Variants in POLG observed in about 807,000 individuals in gnomAD.
The protein encoded by POLG is DNA polymerase subunit gamma-1.
In POLG, 110 loss-of-function variants were observed where a neutral mutation model predicts 155.4. The observed-to-expected ratio is 0.71, with a 90% confidence interval of 0.61 to 0.83. The LOEUF (loss-of-function observed/expected upper bound fraction) is 0.83, where lower values mean the gene tolerates loss of function less well. Ranked by LOEUF, POLG falls within the 40% of genes least tolerant of loss-of-function variation. POLG has a pLI of 0.00. For missense variants in POLG, 1,685 were observed against 1,627.5 expected (o/e 1.04, Z -0.61); for synonymous variants, 701 against 631.5 (o/e 1.11, Z -1.65).
chr15:89,333,007 G>A (rs2055614511), intron 2 of POLG, 89 bp downstream of exon 2: 4 of 1,477,450 alleles, frequency 2.7e-6, no homozygotes, highest in Non-Finnish European at 3.6e-6. Context: ...CACCCAGCCC[G>A]TAACAGGACC....
intron 10 of POLG, 172 bp from the exon 11 acceptor site, chr15:89,324,399 A>G: frequency 1.3e-6 from 1 of 757,750 alleles, no homozygotes; most frequent in South Asian, 1.5e-5. Context: ...TGACAAACTG[A>G]AAATGACAGC....
At position 89,330,105 on chromosome 15, in the gene POLG, A is replaced by G; in HGVS notation, c.831T>C (p.His277=). The change falls in exon 3 of 23, where the codon CAT becomes CAC. Residue 277 remains histidine, a synonymous_variant. Transcript: ENST00000268124. The part of the protein sequence containing the change: ...VGHNVSFDRA[H]IREQYLIQGS... ...CCTGGATCAGGTACTGCTCCCTGAT[A>G]TGAGCTCGGTCAAAGGAAACATTGT... 6.2e-7 allele frequency: 1 copy of G among 1,613,972 alleles called. No homozygotes were observed. Among genetic ancestry groups the G allele is most frequent in the Admixed American group, 1.7e-5 (1 of 60,032 alleles).
rs1032930719 is a variant in POLG, at chr15:89,321,768, C to T, written c.2566G>A (p.Glu856Lys). 7 of 1,613,888 alleles carry T rather than the reference C, an allele frequency of 4.3e-6. No individual in the cohort carries two copies. The African/African-American group carries it at 6.7e-5, about 15-fold the overall frequency. Residue 856 changes from glutamate to lysine, a missense_variant, in exon 16 of 23, where the codon GAG becomes AAG. By Grantham distance (56) the Glu-to-Lys change is moderately conservative. This residue lies in a region of POLG where 1,210 missense variants were observed against 1,167.1 expected (regional missense o/e 1.04). Coordinates refer to ENST00000268124, the MANE Select transcript of POLG (RefSeq NM_002693.3). ...TAGTITRRAV[E>K]PTWLTASNAR... The stretch of plus-strand genomic sequence containing the variant: ...TTGCTGGCGGTGAGCCATGTGGGCT[C>T]CACAGCCCGGCGAGTGATGGTGCCG...
intron 3 of POLG, among the ~76,000 whole-genome samples, 199 bp from the exon 4 acceptor site, chr15:89,329,309 C>T (rs1006761773): frequency 6.6e-6 from 1 of 152,242 alleles, no homozygotes; most frequent in Non-Finnish European, 1.5e-5. Context: ...AAGGGGCCTG[C>T]CTTCCCAAAT....
chr15:89,332,946 C>T, intron 2 of POLG, 150 bp downstream of exon 2: 1 of 1,053,048 alleles, frequency 9.5e-7, no homozygotes, highest in Non-Finnish European at 1.3e-6. Context: ...GTGAGTCCCA[C>T]ATAAACAGGG....
rs376266682 is a variant in POLG, at chr15:89,333,425, G to A, written c.330C>T (p.His110=). ...VRRSVEHLQK[H]GLWGQPAVPL... ...GCACGGCTGGCTGCCCCCAGAGCCC[G>A]TGCTTCTGCAGGTGCTCGACGCTGC... The change falls in exon 2 of 23, where the codon CAC becomes CAT. Residue 110 remains histidine, a synonymous_variant. Coordinates refer to ENST00000268124, the MANE Select transcript of POLG (RefSeq NM_002693.3). 43 of 1,607,994 alleles carry A rather than the reference G, an allele frequency of 2.7e-5. No individual in the cohort carries two copies. Among genetic ancestry groups the A allele is most frequent in the Non-Finnish European group, 3.3e-5 (39 of 1,179,502 alleles).
intron 8 of POLG, 73 bp from the exon 9 acceptor site, chr15:89,326,811 C>G: frequency 6.2e-7 from 1 of 1,611,302 alleles, no homozygotes; most frequent in South Asian, 1.1e-5. Flanking sequence ...ACCCGCTCAT[C>G]TCCAGAAGGC....
intron 9 of POLG, 31 bp downstream of exon 9, chr15:89,326,581 A>G: frequency 6.2e-7 from 1 of 1,611,594 alleles, no homozygotes; most frequent in Non-Finnish European, 8.5e-7. Flanking sequence ...GGTAGACTCT[A>G]GATACACTGC....
chr15:89,334,010 C>T, intron 1 of POLG, 97 bp from the exon 2 acceptor site: 1 of 553,866 alleles, frequency 1.8e-6, no homozygotes, highest in Non-Finnish European at 3.2e-6. Flanking sequence ...GTCCCCAACA[C>T]TGTGCCAGGC....
At chr15:89,329,984 G>A in intron 3 of POLG, 97 bp downstream of exon 3, 1 of 1,049,994 alleles carries the variant, frequency 9.5e-7, no homozygotes, top group Non-Finnish European at 1.5e-6. Context: ...AGGCAACAGA[G>A]ACACGTGCCA....
chr15:89,326,524 C>G (rs2055519832), intron 9 of POLG, 88 bp downstream of exon 9: 1 of 1,421,422 alleles, frequency 7.0e-7, no homozygotes, highest in Admixed American at 1.8e-5. Context: ...GTGCATGATG[C>G]CTCTGTGCCA....
In POLG at chr15:89,328,018, T is replaced by C. The variant is rs2055545600; in HGVS notation, c.1250+438A>G. Among the ~76,000 whole-genome samples, 3 of 149,150 alleles carry C rather than the reference T, an allele frequency of 2.0e-5. 1 individual carries two copies. Among genetic ancestry groups the C allele is most frequent in the African/African-American group, 7.8e-5 (3 of 38,522 alleles). On this transcript the variant is annotated intron_variant, in intron 6 of 22. Coordinates refer to ENST00000268124, the MANE Select transcript of POLG (RefSeq NM_002693.3). ...GTAAAGCTTCTAGCCAACAGCAAGC[T>C]ATTAGTAGTTAAGCTCTGAGGGAGT...
chr15:89,331,075 T>C (rs1475716487), intron 2 of POLG, among the ~76,000 whole-genome samples: 1 of 152,164 alleles, frequency 6.6e-6, no homozygotes, highest in Non-Finnish European at 1.5e-5. Flanking sequence ...CCACTCAGCA[T>C]CAAAGTGAGT....
intron 16 of POLG, among the ~76,000 whole-genome samples, chr15:89,321,471 AC>A (rs1220417098): frequency 1.3e-5 from 2 of 152,082 alleles, no homozygotes; most frequent in Non-Finnish European, 1.5e-5. Flanking sequence ...GCTATGCCAG[AC>A]CCCTCACCTA....
At position 89,330,173 on chromosome 15, in the gene POLG, T is replaced by C. The variant is rs750393515; in HGVS notation, c.763A>G (p.Ser255Gly). ...TCCTGCCAGTCTCTCTGGGTGGGGC[T>C]GCTGGCACCAGTAGGGACCTCCAGG... ...IPLEVPTGAS[S>G]PTQRDWQEQL... Residue 255 changes from serine (S) to glycine (G), a missense_variant, in exon 3 of 23, where the codon AGC (serine) becomes GGC (glycine). By Grantham distance (56) the Ser-to-Gly change is moderately conservative (BLOSUM62 0). Transcript: ENST00000268124. The C allele has an allele frequency of 6.2e-7, 1 of 1,613,898 alleles. No homozygotes were observed. Among genetic ancestry groups the C allele is most frequent in the Non-Finnish European group, 8.5e-7 (1 of 1,179,932 alleles).
At position 89,325,459 on chromosome 15, in the gene POLG, C is replaced by G; in HGVS notation, c.1940G>C (p.Cys647Ser). ...TGGGCCTAAGCCTTACCTGTAGGGG[C>G]AGACCACCCCAGCTGACTCCAGGGT... ...GTTLESAGVVCPYRAIESLYR... is the reference protein window; with the variant it reads ...GTTLESAGVVSPYRAIESLYR... Residue 647 changes from cysteine (C) to serine (S), a missense_variant, in exon 10 of 23, where the codon TGC becomes TCC. Transcript: ENST00000268124. 2 of 1,600,910 alleles carry G rather than the reference C, an allele frequency of 1.2e-6. No individual in the cohort carries two copies. Among genetic ancestry groups the G allele is most frequent in the Non-Finnish European group, 1.7e-6 (2 of 1,177,860 alleles).
chr15:89,332,658 A>C (rs1054623605), intron 2 of POLG, among the ~76,000 whole-genome samples: 1 of 151,990 alleles, frequency 6.6e-6, no homozygotes, highest in Admixed American at 6.5e-5. Context: ...TGGGGATGCT[A>C]AATGTCCTAT....
intron 16 of POLG, 70 bp from the exon 17 acceptor site, chr15:89,321,330 A>C: frequency 1.3e-6 from 2 of 1,565,834 alleles, no homozygotes; most frequent in South Asian, 2.3e-5. Context: ...TTGACTGAGA[A>C]AGAGCTAGAG....
intron 3 of POLG, 67 bp from the exon 4 acceptor site, chr15:89,329,177 T>A: frequency 1.4e-6 from 2 of 1,386,544 alleles, no homozygotes; most frequent in South Asian, 2.4e-5. Flanking sequence ...AGCCCACCAC[T>A]GCTTGGTGGT....
Sources: allele counts gnomAD v4.1 joint callset (sites outside exome capture counted in the v4.1 genomes callset), GRCh38; gene constraint gnomAD v4.1.1; regional missense constraint gnomAD v4.1.1; transcripts MANE v1.5; gene names NCBI Gene and HGNC (gene_info 2026-07-23, HGNC 2026-07-21).